Variants in APP observed in about 807,000 individuals in gnomAD.
APP encodes the protein amyloid beta precursor protein.
APP carries 31 observed loss-of-function variants against 101.4 expected under a neutral mutation model. The ratio of observed to expected loss-of-function variants is 0.31; its 90% CI spans 0.23 to 0.41. The LOEUF is 0.41. Among genes scored for constraint, APP ranks in the 10% least tolerant of loss-of-function variants. The pLI, the probability that APP is intolerant of heterozygous loss-of-function variation, is 1.00. For missense variants in APP, 839 were observed against 1,003.7 expected (o/e 0.84, Z 2.22); for synonymous variants, 366 against 364.4 (o/e 1.00, Z -0.05).
At chr21:25,970,801 A>G (rs2042003207) in intron 11 of APP, among the ~76,000 whole-genome samples, 3 of 152,104 alleles carry the variant, frequency 2.0e-5, no homozygotes, top group Admixed American at 2.0e-4. Context: ...GAACAGGGTA[A>G]ATAGTATCTT....
At chr21:26,080,278 G>A (rs1004443922) in intron 3 of APP, among the ~76,000 whole-genome samples, 5 of 152,136 alleles carry the variant, frequency 3.3e-5, no homozygotes, top group Non-Finnish European at 7.3e-5. Context: ...ATCTCTTGGA[G>A]AAAGCTACAA....
At chr21:26,052,880 A>C (rs2045892510) in intron 4 of APP, among the ~76,000 whole-genome samples, 1 of 152,230 alleles carries the variant, frequency 6.6e-6, no homozygotes, top group African/African-American at 2.4e-5. Flanking sequence ...TTATATTTTT[A>C]AGTTATAAGG....
At chr21:26,026,380 A>G (rs1019667027) in intron 5 of APP, among the ~76,000 whole-genome samples, 1 of 152,208 alleles carries the variant, frequency 6.6e-6, no homozygotes, top group African/African-American at 2.4e-5. Flanking sequence ...CCTACGAGGA[A>G]ATAAATCACT....
At position 26,148,872 on chromosome 21, in the gene APP, G is replaced by C. The variant is rs191551260; in HGVS notation, c.57+21692C>G. 1.7e-3 allele frequency among the ~76,000 whole-genome samples: 261 copies of C among 152,234 alleles called. 1 individual carries two copies. The highest frequency in any genetic ancestry group is 3.3e-3 in the Non-Finnish European group (222 of 68,018). On this transcript the variant is annotated intron_variant, in intron 1 of 17. Transcript: ENST00000346798. ...AGATACTTTGTAGATGTGGAAATTGGTTTAGGGAAGCTTACATCATTTTCT... is the reference window on the plus strand; with the variant it reads ...AGATACTTTGTAGATGTGGAAATTGCTTTAGGGAAGCTTACATCATTTTCT...
intron 1 of APP, among the ~76,000 whole-genome samples, chr21:26,134,543 G>A (rs2062857119): frequency 6.6e-6 from 1 of 152,220 alleles, no homozygotes; most frequent in African/African-American, 2.4e-5. Context: ...TGCGGCTGAA[G>A]AGAAAACGAG....
In APP at chr21:26,114,992, C is replaced by T. The variant is rs192006232; in HGVS notation, c.58-2846G>A. ...TTTTTCAAATAACTTGATTACGGCG[C>T]TATAACTGTCTCATGTTGTCTTCAT... On this transcript the variant is annotated intron_variant, in intron 1 of 17. Coordinates refer to ENST00000346798, the MANE Select transcript of APP (RefSeq NM_000484.4). 7.4e-4 allele frequency among the ~76,000 whole-genome samples: 112 copies of T among 152,190 alleles called. 1 individual carries two copies. The highest frequency in any genetic ancestry group is 2.6e-3 in the African/African-American group (110 of 41,514).
At chr21:25,893,195 A>C (rs1225207439) in intron 16 of APP, among the ~76,000 whole-genome samples, 1 of 152,190 alleles carries the variant, frequency 6.6e-6, no homozygotes, top group Admixed American at 6.5e-5. Context: ...CTAAATCAAT[A>C]AATGTTGTGT....
At chr21:25,998,428 C>T (rs934287460) in intron 7 of APP, among the ~76,000 whole-genome samples, 11 of 151,238 alleles carry the variant, frequency 7.3e-5, no homozygotes, top group African/African-American at 2.4e-4. Flanking sequence ...TTATCAGTTC[C>T]TACACCTGTT....
At chr21:25,950,527 G>A (rs907155297) in intron 13 of APP, among the ~76,000 whole-genome samples, 5 of 151,664 alleles carry the variant, frequency 3.3e-5, no homozygotes, top group Non-Finnish European at 5.9e-5. Context: ...AATTACAGGT[G>A]CCTGCCACCA....
chr21:25,900,306 G>A (rs2038358645), intron 15 of APP, among the ~76,000 whole-genome samples: 2 of 149,180 alleles, frequency 1.3e-5, no homozygotes, highest in Non-Finnish European at 3.0e-5. Flanking sequence ...GCCAAGCTGG[G>A]TGGATCACTT....
chr21:25,939,700 A>G (rs1206205543), intron 13 of APP, among the ~76,000 whole-genome samples: 1 of 152,208 alleles, frequency 6.6e-6, no homozygotes, highest in Non-Finnish European at 1.5e-5. Context: ...ATTGCCAACC[A>G]GCAGTCTGGA....
intron 1 of APP, among the ~76,000 whole-genome samples, chr21:26,137,723 C>A (rs1479237539): frequency 6.6e-6 from 1 of 152,080 alleles, no homozygotes. Context: ...TATATTTCTA[C>A]AATTCAAATA....
chr21:26,035,220 T>A (rs1355674427), intron 5 of APP, among the ~76,000 whole-genome samples: 2 of 152,094 alleles, frequency 1.3e-5, no homozygotes, highest in Non-Finnish European at 2.9e-5. Flanking sequence ...TGAGCCATGA[T>A]CATGCCACTG....
rs2036958652 is a variant in APP, at chr21:25,881,082, G to C, written c.*588C>G. On this transcript the variant is annotated 3_prime_UTR_variant, in exon 18 of 18. Transcript: ENST00000346798. ...AAAACAGGCACGAAGAAACAAACGTGTGTATCCTCTTAATTCCTATATCAC... is the reference window on the plus strand; with the variant it reads ...AAAACAGGCACGAAGAAACAAACGTCTGTATCCTCTTAATTCCTATATCAC... 1 of 157,380 alleles carries C rather than the reference G, an allele frequency of 6.4e-6. No individual in the cohort carries two copies. The highest frequency in any genetic ancestry group is 2.4e-5 in the African/African-American group (1 of 41,448). 9.7% of individuals were successfully genotyped at this position (157,380 alleles called of 1,614,324 possible).
At chr21:26,002,274 C>T (rs572899145) in intron 6 of APP, among the ~76,000 whole-genome samples, 1 of 130,408 alleles carries the variant, frequency 7.7e-6, no homozygotes, top group South Asian at 2.5e-4. Flanking sequence ...CTGTTGACAT[C>T]ATCGTGATGG....
Position 26,086,798 on chromosome 21 carries a change from T to C in APP, c.355+3145A>G, listed in dbSNP as rs527503802. ...CTGTGAGTTTCTTTTTTAGTGCTAT[T>C]GTCTCTAATTCATAGTGAATATTTG... On this transcript the variant is annotated intron_variant, in intron 3 of 17. Coordinates refer to ENST00000346798, the MANE Select transcript of APP (RefSeq NM_000484.4). Among the ~76,000 whole-genome samples, 5 of 152,348 alleles carry C rather than the reference T, an allele frequency of 3.3e-5. No homozygotes were observed. The South Asian group carries it at 6.2e-4, about 19-fold the overall frequency.
chr21:26,162,444 C>T (rs193156007), intron 1 of APP, among the ~76,000 whole-genome samples: 49 of 152,262 alleles, frequency 3.2e-4, no homozygotes, highest in Non-Finnish European at 5.9e-4. Context: ...ATTTTCTTTA[C>T]TTTCTCTTAA....
At chr21:26,032,696 A>G (rs1263149837) in intron 5 of APP, among the ~76,000 whole-genome samples, 1 of 152,080 alleles carries the variant, frequency 6.6e-6, no homozygotes, top group Non-Finnish European at 1.5e-5. Flanking sequence ...TATACTTATG[A>G]CATTTCTTTT....
intron 13 of APP, among the ~76,000 whole-genome samples, chr21:25,914,322 A>G (rs1445800836): frequency 2.0e-5 from 3 of 151,782 alleles, no homozygotes; most frequent in South Asian, 4.1e-4. Context: ...ACTGCTTGCT[A>G]TGGTCTGAAT....
Sources: gnomAD v4.1 joint callset for allele counts (sites outside exome capture counted in the v4.1 genomes callset) on GRCh38, gnomAD v4.1.1 for gene constraint, MANE v1.5 for transcripts, NCBI Gene and HGNC (gene_info 2026-07-23, HGNC 2026-07-21) for gene names.